Variants in PARD3B observed in about 807,000 individuals in gnomAD.
PARD3B encodes the protein partitioning defective 3 homolog B.
A neutral mutation model predicts 130.2 loss-of-function variants in PARD3B; 103 were observed. The observed-to-expected ratio is 0.79, with a 90% CI of 0.67 to 0.93. The LOEUF (loss-of-function observed/expected upper bound fraction) is 0.93. Ranked by LOEUF, PARD3B falls within the 40% of genes least tolerant of loss-of-function variation. PARD3B has a pLI of 0.00. For missense variants in PARD3B, 1,609 were observed against 1,499.2 expected (o/e 1.07, Z -1.21); for synonymous variants, 583 against 553.2 (o/e 1.05, Z -0.76).
intron 15 of PARD3B, among the ~76,000 whole-genome samples, chr2:205,238,849 AATATATAT>A (rs66692400): frequency 2.5e-4 from 19 of 76,904 alleles, no homozygotes; most frequent in African/African-American, 8.4e-4. Flanking sequence ...AAAAAAAAAA[AATATATAT>A]ATATATATAT....
At chr2:204,707,827 A>G (rs764930762) in intron 2 of PARD3B, among the ~76,000 whole-genome samples, 31 of 152,190 alleles carry the variant, frequency 2.0e-4, no homozygotes, top group Non-Finnish European at 3.8e-4. Context: ...AATGCAGAAA[A>G]TAAAACCATC....
At chr2:205,612,564 C>G (rs2055273833) in intron 22 of PARD3B, among the ~76,000 whole-genome samples, 1 of 152,182 alleles carries the variant, frequency 6.6e-6, no homozygotes, top group Non-Finnish European at 1.5e-5. Flanking sequence ...TAAACAACAG[C>G]TACACACCAT....
intron 4 of PARD3B, among the ~76,000 whole-genome samples, chr2:205,069,496 C>A (rs1439608021): frequency 6.6e-6 from 1 of 152,062 alleles, no homozygotes; most frequent in Non-Finnish European, 1.5e-5. Context: ...GTTTTCCCCA[C>A]CTTTTTTCTC....
intron 2 of PARD3B, among the ~76,000 whole-genome samples, chr2:204,688,197 A>G (rs2037178535): frequency 6.6e-6 from 1 of 152,160 alleles, no homozygotes; most frequent in African/African-American, 2.4e-5. Flanking sequence ...ATATTTCTAC[A>G]TGATGCCTAA....
intron 2 of PARD3B, among the ~76,000 whole-genome samples, chr2:204,964,639 T>A (rs236845): frequency 0.71 from 107,333 of 152,024 alleles, 39,336 homozygotes; most frequent in African/African-American, 0.9. Flanking sequence ...ATATAAGTAT[T>A]CACACAATGT....
intron 1 of PARD3B, among the ~76,000 whole-genome samples, chr2:204,631,810 C>T (rs553397450): frequency 1.1e-4 from 16 of 152,182 alleles, no homozygotes; most frequent in Admixed American, 2.0e-4. Flanking sequence ...GTAACAAATT[C>T]CCTCAGCATT....
intron 4 of PARD3B, 188 bp downstream of exon 4, chr2:205,047,878 G>A (rs1230585050): frequency 8.8e-6 from 4 of 454,276 alleles, no homozygotes; most frequent in South Asian, 4.6e-5. Flanking sequence ...TAGCTATTAC[G>A]TATATGGCAC....
At position 205,522,404 on chromosome 2, in the gene PARD3B, G is replaced by A. The variant is rs115526454; in HGVS notation, c.3180+22373G>A. On this transcript the variant is annotated intron_variant, in intron 21 of 22. Coordinates refer to ENST00000406610, the MANE Select transcript of PARD3B (RefSeq NM_001302769.2). ...ATTTAAGTTTTTATTATTAATGTAT[G>A]GTTTTAAGCTCTGTAGTCAAGGACA... Among the ~76,000 whole-genome samples, 1,006 of 151,608 alleles carry A rather than the reference G, an allele frequency of 6.6e-3. 13 individuals carry two copies. Among genetic ancestry groups the A allele is most frequent in the African/African-American group, 0.023 (943 of 41,374 alleles).
chr2:204,547,561 C>G (rs927188107), intron 1 of PARD3B, among the ~76,000 whole-genome samples: 1 of 152,148 alleles, frequency 6.6e-6, no homozygotes, highest in Non-Finnish European at 1.5e-5. Context: ...GATGTTTAAA[C>G]AAGTAACCAA....
At position 205,463,756 on chromosome 2, in the gene PARD3B, G is replaced by A. The variant is rs1001351776; in HGVS notation, c.3044+23084G>A. 6.6e-6 allele frequency among the ~76,000 whole-genome samples: 1 copy of A among 152,188 alleles called. No homozygotes were observed. The highest frequency in any genetic ancestry group is 1.5e-5 in the Non-Finnish European group (1 of 68,030). On this transcript the variant is annotated intron_variant, in intron 20 of 22. Transcript: ENST00000406610. This position sits in a 1 kb window ranked among gnomAD's most constrained non-coding sequence, Gnocchi z 4.8. ...GAGACTGAAATCCTGAAAGATTGTG[G>A]CCTGTTTACTGGGAGAGCATTTTAA...
In PARD3B at chr2:205,292,046, G is replaced by T. The variant is rs1226294023; in HGVS notation, c.2186-8484G>T. 3.9e-5 allele frequency among the ~76,000 whole-genome samples: 6 copies of T among 152,170 alleles called. No homozygotes were observed. Among genetic ancestry groups the T allele is most frequent in the Non-Finnish European group, 8.8e-5 (6 of 68,016 alleles). On this transcript the variant is annotated intron_variant, in intron 16 of 22. Transcript: ENST00000406610. The surrounding 1 kb of genome is among the most constrained non-coding windows in gnomAD (Gnocchi z 5.3). ...ACCTCAGTGCATGCTGCATAGGGCA[G>T]CCAAACACCACTGGGTTCTATTCCT...
At chr2:205,316,922 T>C (rs1207441) in intron 18 of PARD3B, among the ~76,000 whole-genome samples, 138,282 of 152,224 alleles carry the variant, frequency 0.91, 62,998 homozygotes, top group Admixed American at 0.94. Context: ...CATCGTCTTT[T>C]ATTCATCCAA....
intron 15 of PARD3B, among the ~76,000 whole-genome samples, chr2:205,242,964 CGA>C (rs2039417296): frequency 6.6e-6 from 1 of 151,996 alleles, no homozygotes; most frequent in Non-Finnish European, 1.5e-5. Flanking sequence ...GTCAGGAGTT[CGA>C]GACCAGCCTG....
intron 2 of PARD3B, among the ~76,000 whole-genome samples, chr2:204,811,978 TTAAAG>T (rs1307858355): frequency 6.6e-6 from 1 of 152,204 alleles, no homozygotes; most frequent in African/African-American, 2.4e-5. Flanking sequence ...TTCACCGGAA[TTAAAG>T]TAATGATCAT....
intron 2 of PARD3B, among the ~76,000 whole-genome samples, chr2:204,715,304 A>AG (rs1330769747): frequency 6.6e-6 from 1 of 152,182 alleles, no homozygotes; most frequent in Non-Finnish European, 1.5e-5. Context: ...TGTGATTCTG[A>AG]CAAATTTTAA....
At chr2:204,803,157 A>ATATATATATAT (rs1414932505) in intron 2 of PARD3B, among the ~76,000 whole-genome samples, 1 of 137,270 alleles carries the variant, frequency 7.3e-6, no homozygotes, top group African/African-American at 2.7e-5. Flanking sequence ...AAAAAAAAAA[A>ATATATATATAT]AAAAAAATAT....
At chr2:205,247,756 G>A (rs1048901822) in intron 16 of PARD3B, among the ~76,000 whole-genome samples, 1 of 152,128 alleles carries the variant, frequency 6.6e-6, no homozygotes, top group East Asian at 1.9e-4. Context: ...AATGAAGAGG[G>A]CTAAACAATC....
chr2:205,614,810 C>A (rs1575491986), intron 22 of PARD3B, among the ~76,000 whole-genome samples: 1 of 152,070 alleles, frequency 6.6e-6, no homozygotes, highest in East Asian at 1.9e-4. Flanking sequence ...TGAATCCACA[C>A]CAAGATGTAA....
chr2:204,676,159 A>G (rs1574672172), intron 1 of PARD3B, among the ~76,000 whole-genome samples: 1 of 151,944 alleles, frequency 6.6e-6, no homozygotes, highest in South Asian at 2.1e-4. Flanking sequence ...GAGGAGAACT[A>G]TTTTAGAGTG....
Sources: allele counts gnomAD v4.1 joint callset (sites outside exome capture counted in the v4.1 genomes callset), GRCh38; gene constraint gnomAD v4.1.1; non-coding constraint Gnocchi (gnomAD v3.1); transcripts MANE v1.5; gene names NCBI Gene and HGNC (gene_info 2026-07-23, HGNC 2026-07-21).